EPHA3: variants seen among roughly 807,000 people sequenced by gnomAD.
EPHA3 encodes the protein ephrin type-A receptor 3.
Under a neutral mutation model 107.1 loss-of-function variants are expected in EPHA3, and 42 were observed. The ratio of observed to expected loss-of-function variants is 0.39; its 90% confidence interval spans 0.31 to 0.51. The LOEUF (loss-of-function observed/expected upper bound fraction) is 0.51, where lower values mean the gene tolerates loss of function less well. EPHA3 is among the 20% of genes least tolerant of loss of function. The probability of loss-of-function intolerance (pLI) is 0.78; values close to 1 mark genes in which losing one functional copy is unlikely to be tolerated. For missense variants in EPHA3, 1,183 were observed against 1,211.2 expected, an observed-to-expected ratio of 0.98 and a Z score of 0.35; for synonymous variants, 461 against 424.8, an observed-to-expected ratio of 1.09 and a Z score of -1.05.
rs1167846523 is a variant in EPHA3 at position 89,455,338 on chromosome 3, G to T, written c.2690+4968G>T. Among the ~76,000 whole-genome samples, 4 of 152,260 alleles carry T rather than the reference G, an allele frequency of 2.6e-5. No individual in the cohort carries two copies. The South Asian group carries it at 8.3e-4, about 32-fold the overall frequency. On this transcript the variant is annotated intron_variant, in intron 15 of 16. Transcript: ENST00000336596. ...CTCCTCACCAAAAAGAATATTCTTG[G>T]CACAGGATTAAAAAATGCAAAAGTC...
chr3:89,404,457 C>G (rs1202644645), intron 7 of EPHA3, among the ~76,000 whole-genome samples: 1 of 152,134 alleles, frequency 6.6e-6, no homozygotes, highest in Non-Finnish European at 1.5e-5. Flanking sequence ...CTCTGAATCA[C>G]TCTTTTGAGA....
intron 5 of EPHA3, among the ~76,000 whole-genome samples, chr3:89,373,784 T>TG (rs1255601453): frequency 6.6e-6 from 1 of 151,880 alleles, no homozygotes; most frequent in Non-Finnish European, 1.5e-5. Flanking sequence ...TGGATCAGGC[T>TG]TCTATTTGTG....
In EPHA3 at chr3:89,337,466, G is replaced by T. The variant is rs571944910; in HGVS notation, c.815-3450G>T. On this transcript the variant is annotated intron_variant, in intron 3 of 16. Transcript: ENST00000336596. ...TAGAACTTTGATAAGATTTAATTGAGATGGTACATATAAAAGTCCTACCAA... is the reference window on the plus strand; with the variant it reads ...TAGAACTTTGATAAGATTTAATTGATATGGTACATATAAAAGTCCTACCAA... Among the ~76,000 whole-genome samples the T allele has an allele frequency of 3.3e-5, 5 of 152,286 alleles. No homozygotes were observed. The South Asian group carries it at 1.0e-3, about 32-fold the overall frequency.
chr3:89,478,402 G>A (rs1190515457), intron 16 of EPHA3, among the ~76,000 whole-genome samples: 2 of 152,194 alleles, frequency 1.3e-5, no homozygotes, highest in Non-Finnish European at 2.9e-5. Flanking sequence ...GCAGAGCTCA[G>A]GTGGGTGATT....
At chr3:89,312,914 C>A (rs1348967436) in intron 3 of EPHA3, among the ~76,000 whole-genome samples, 1 of 151,950 alleles carries the variant, frequency 6.6e-6, no homozygotes, top group Non-Finnish European at 1.5e-5. Context: ...AGGACATAAT[C>A]TTGTTATTTT....
At chr3:89,304,549 A>T (rs1576300565) in intron 3 of EPHA3, among the ~76,000 whole-genome samples, 1 of 152,072 alleles carries the variant, frequency 6.6e-6, no homozygotes. Flanking sequence ...CTAGGCCAGG[A>T]ACAGTCTTTT....
chr3:89,173,293 T>G (rs1216277840), intron 2 of EPHA3, among the ~76,000 whole-genome samples: 1 of 152,102 alleles, frequency 6.6e-6, no homozygotes, highest in Non-Finnish European at 1.5e-5. Flanking sequence ...ATAAATTAAA[T>G]GTCCAAATTT....
chr3:89,438,095 G>T (rs1302606798), intron 13 of EPHA3, among the ~76,000 whole-genome samples: 3 of 151,496 alleles, frequency 2.0e-5, no homozygotes, highest in East Asian at 1.9e-4. Context: ...TTTCATTTTT[G>T]TTTTTTTGTT....
At chr3:89,304,097 C>G (rs11925539) in intron 3 of EPHA3, among the ~76,000 whole-genome samples, 3 of 151,942 alleles carry the variant, frequency 2.0e-5, no homozygotes, top group African/African-American at 7.3e-5. Flanking sequence ...CCCCAGCCCC[C>G]ACTTCGCTAC....
chr3:89,312,219 A>T (rs1248638343), intron 3 of EPHA3, among the ~76,000 whole-genome samples: 4 of 152,008 alleles, frequency 2.6e-5, no homozygotes, highest in Non-Finnish European at 5.9e-5. Flanking sequence ...TTGCTGAAGG[A>T]CTTAGTGCAC....
chr3:89,247,713 C>T (rs568892812), intron 3 of EPHA3, among the ~76,000 whole-genome samples: 1 of 152,126 alleles, frequency 6.6e-6, no homozygotes, highest in South Asian at 2.1e-4. Context: ...TATTTTGTGG[C>T]CAAAGTCATT....
At position 89,297,092 on chromosome 3, in the gene EPHA3, C is replaced by A. The variant is rs1173874659; in HGVS notation, c.815-43824C>A. ...GTTGTGAATGGTTTGATCTTCTCTG[C>A]AGACCACTACAACTTCTTTCATATC... On this transcript the variant is annotated intron_variant, in intron 3 of 16. Coordinates refer to ENST00000336596, the MANE Select transcript of EPHA3 (RefSeq NM_005233.6). Among the ~76,000 whole-genome samples, 3 of 152,180 alleles carry A rather than the reference C, an allele frequency of 2.0e-5. No homozygotes were observed. In the East Asian group the frequency reaches 5.8e-4, roughly 29 times the overall value.
At chr3:89,186,214 C>A (rs1197315385) in intron 2 of EPHA3, among the ~76,000 whole-genome samples, 1 of 151,920 alleles carries the variant, frequency 6.6e-6, no homozygotes, top group Non-Finnish European at 1.5e-5. Context: ...AATTTCACTG[C>A]ATTATCATGA....
At chr3:89,452,543 T>C (rs182075879) in intron 15 of EPHA3, among the ~76,000 whole-genome samples, 25 of 152,234 alleles carry the variant, frequency 1.6e-4, no homozygotes, top group African/African-American at 4.8e-4. Context: ...TTAATAGGGG[T>C]ATTATTATTT....
At position 89,366,410 on chromosome 3, in the gene EPHA3, A is replaced by C. The variant is rs1036902841; in HGVS notation, c.1306+24320A>C. ...TGATCAAGATCAAAAACATGAACGCATAATAAGATAATATACAGCATTTTA... is the reference window on the plus strand; with the variant it reads ...TGATCAAGATCAAAAACATGAACGCCTAATAAGATAATATACAGCATTTTA... On this transcript the variant is annotated intron_variant, in intron 5 of 16. Coordinates refer to ENST00000336596, the MANE Select transcript of EPHA3 (RefSeq NM_005233.6). Among the ~76,000 whole-genome samples the C allele has an allele frequency of 3.8e-4, 57 of 150,940 alleles. 2 individuals are homozygous for C. The highest frequency in any genetic ancestry group is 1.3e-3 in the African/African-American group (54 of 41,434).
intron 2 of EPHA3, among the ~76,000 whole-genome samples, chr3:89,151,117 G>T (rs1241701996): frequency 1.3e-5 from 2 of 151,994 alleles, no homozygotes; most frequent in Non-Finnish European, 2.9e-5. Context: ...ACAGGAAAAG[G>T]AACAACTGAT....
intron 5 of EPHA3, among the ~76,000 whole-genome samples, chr3:89,361,743 C>G (rs554865565): frequency 2.6e-5 from 4 of 151,144 alleles, no homozygotes; most frequent in African/African-American, 9.6e-5. Flanking sequence ...CCATTCTCTG[C>G]TATCCCCTTA....
chr3:89,136,844 C>T (rs1704325673), intron 2 of EPHA3, among the ~76,000 whole-genome samples: 1 of 151,698 alleles, frequency 6.6e-6, no homozygotes, highest in African/African-American at 2.4e-5. Flanking sequence ...TTGCTATAAT[C>T]ATTCTTTATT....
At chr3:89,326,525 G>A (rs1043882102) in intron 3 of EPHA3, among the ~76,000 whole-genome samples, 2 of 151,904 alleles carry the variant, frequency 1.3e-5, no homozygotes, top group African/African-American at 2.4e-5. Flanking sequence ...GAGTAGCTAG[G>A]ACTACAGGCA....
Sources: gnomAD v4.1 joint callset for allele counts (sites outside exome capture counted in the v4.1 genomes callset) on GRCh38, gnomAD v4.1.1 for gene constraint, MANE v1.5 for transcripts, NCBI Gene and HGNC (gene_info 2026-07-23, HGNC 2026-07-21) for gene names.